Variants in MTMR8 observed in about 807,000 individuals in gnomAD.
The protein encoded by MTMR8 is myotubularin related protein 8, also known as phosphatidylinositol-3,5-bisphosphate 3-phosphatase MTMR8.
Under a neutral mutation model 39.3 loss-of-function variants are expected in MTMR8, and 65 were observed. The ratio of observed to expected loss-of-function variants is 1.65; its 90% CI spans 1.35 to 2.03. The LOEUF is 2.03. MTMR8 is among the 30% of genes most tolerant of loss of function. The pLI, the probability that MTMR8 is intolerant of heterozygous loss-of-function variation, is 0.00. For synonymous variants in MTMR8, 245 were observed against 185.2 expected, an observed-to-expected ratio of 1.32 and a Z score of -2.62; for missense variants, 777 against 538.9, an observed-to-expected ratio of 1.44 and a Z score of -4.37.
At chrX:64,278,776 T>C (rs1196551070) in intron 12 of MTMR8, among the ~76,000 whole-genome samples, 1 of 111,362 alleles carries the variant, frequency 9.0e-6, no homozygotes, top group African/African-American at 3.3e-5. Flanking sequence ...CCAGCCAATG[T>C]TGATGCTACT....
chrX:64,324,814 CAAAAAAAAAAAAA>C (rs758476355), intron 12 of MTMR8, among the ~76,000 whole-genome samples: 1 of 28,750 alleles, frequency 3.5e-5, no homozygotes, highest in African/African-American at 2.9e-4. Flanking sequence ...TGTTGCTCAC[CAAAAAAAAAAAAA>C]AAAAAAAAAA....
chrX:64,273,359 AGAGT>A (rs1186973587), intron 12 of MTMR8, among the ~76,000 whole-genome samples: 1 of 110,689 alleles, frequency 9.0e-6, no homozygotes, highest in Non-Finnish European at 1.9e-5. Flanking sequence ...TGCTTAAGAC[AGAGT>A]GTTAGACTGT....
intron 1 of MTMR8, among the ~76,000 whole-genome samples, chrX:64,364,859 C>A (rs937976927): frequency 3.6e-5 from 4 of 111,095 alleles, no homozygotes; most frequent in African/African-American, 1.3e-4. Context: ...AGCTAAAAAC[C>A]TTGAAAAAAG....
chrX:64,366,323 G>C (rs185035643), intron 1 of MTMR8, among the ~76,000 whole-genome samples: 1 of 111,391 alleles, frequency 9.0e-6, no homozygotes, highest in Non-Finnish European at 1.9e-5. Context: ...GCACTACATC[G>C]CACTTATTCC....
chrX:64,349,513 G>A (rs1218235581), intron 5 of MTMR8, among the ~76,000 whole-genome samples: 1 of 110,594 alleles, frequency 9.0e-6, no homozygotes, highest in Non-Finnish European at 1.9e-5. Flanking sequence ...ATAAGTAAGG[G>A]GATTGAAACA....
intron 1 of MTMR8, among the ~76,000 whole-genome samples, chrX:64,382,016 A>G (rs1447895269): frequency 2.7e-5 from 3 of 111,258 alleles, no homozygotes; most frequent in African/African-American, 6.6e-5. Context: ...GCCTTGTAGT[A>G]TAGTTTGAAG....
chrX:64,327,185 G>T, intron 12 of MTMR8, among the ~76,000 whole-genome samples: 1 of 111,558 alleles, frequency 9.0e-6, no homozygotes, highest in African/African-American at 3.2e-5. Context: ...AGACAAATGA[G>T]ATTACATCAA....
At chrX:64,333,020 C>A (rs1922982886) in intron 10 of MTMR8, among the ~76,000 whole-genome samples, 1 of 111,421 alleles carries the variant, frequency 9.0e-6, no homozygotes, top group African/African-American at 3.3e-5. Flanking sequence ...ATTAACTACT[C>A]TCTCCCCATT....
chrX:64,295,274 T>C (rs1466464644), intron 12 of MTMR8, among the ~76,000 whole-genome samples: 1 of 111,202 alleles, frequency 9.0e-6, no homozygotes, highest in Non-Finnish European at 1.9e-5. Context: ...AATTGTTTCC[T>C]AGATTCTCTT....
At chrX:64,384,138 A>G (rs1206632220) in intron 1 of MTMR8, among the ~76,000 whole-genome samples, 1 of 112,100 alleles carries the variant, frequency 8.9e-6, no homozygotes, top group Non-Finnish European at 1.9e-5. Context: ...GCAGTCATTA[A>G]AACTTAAAAC....
chrX:64,380,742 C>T (rs1027197556), intron 1 of MTMR8, among the ~76,000 whole-genome samples: 7 of 111,513 alleles, frequency 6.3e-5, no homozygotes, highest in South Asian at 3.8e-4. Context: ...TATCCCTCCC[C>T]CCTCCTTCCA....
At chrX:64,339,434 A>G (rs1175583083) in intron 8 of MTMR8, among the ~76,000 whole-genome samples, 1 of 111,765 alleles carries the variant, frequency 8.9e-6, no homozygotes, top group East Asian at 2.8e-4. Flanking sequence ...TGACAAGTCA[A>G]AGGTCATAAG....
chrX:64,379,632 C>A (rs988221460), intron 1 of MTMR8, among the ~76,000 whole-genome samples: 6 of 111,279 alleles, frequency 5.4e-5, no homozygotes, highest in Non-Finnish European at 1.1e-4. Flanking sequence ...GTCCAAATTT[C>A]TCCTTATAAC....
chrX:64,326,090 T>A (rs181268116), intron 12 of MTMR8, among the ~76,000 whole-genome samples: 2 of 111,711 alleles, frequency 1.8e-5, no homozygotes, highest in Admixed American at 9.5e-5. Context: ...AAAGAAAAAA[T>A]TATTATTAAG....
chrX:64,306,194 TATG>T (rs1922113128), intron 12 of MTMR8: 1 of 319,681 alleles, frequency 3.1e-6, no homozygotes, highest in Non-Finnish European at 6.2e-6. Context: ...GACCATCACT[TATG>T]ATAGTTCTCA....
intron 12 of MTMR8, among the ~76,000 whole-genome samples, chrX:64,285,124 G>A (rs751542624): frequency 1.8e-5 from 2 of 111,399 alleles, no homozygotes; most frequent in African/African-American, 3.3e-5. Flanking sequence ...AGGGATGGAG[G>A]AAGATCTACC....
chrX:64,301,250 A>G (rs1380049322), intron 12 of MTMR8, among the ~76,000 whole-genome samples: 3 of 107,347 alleles, frequency 2.8e-5, no homozygotes, highest in East Asian at 2.9e-4. Flanking sequence ...ACATAGTCCC[A>G]TATTTCTTGG....
At chrX:64,355,294 G>T (rs1180863408) in intron 3 of MTMR8, among the ~76,000 whole-genome samples, 3 of 111,906 alleles carry the variant, frequency 2.7e-5, no homozygotes, top group African/African-American at 9.7e-5. Context: ...TGTCCTAATA[G>T]TACTGCTTAT....
At chrX:64,371,149 C>T (rs1430664568) in intron 1 of MTMR8, among the ~76,000 whole-genome samples, 2 of 111,871 alleles carry the variant, frequency 1.8e-5, no homozygotes, top group Non-Finnish European at 3.8e-5. Context: ...AAGTCCCTAG[C>T]TCAATCAATT....
Sources: allele counts gnomAD v4.1 joint callset (sites outside exome capture counted in the v4.1 genomes callset), GRCh38; gene constraint gnomAD v4.1.1; transcripts MANE v1.5; gene names NCBI Gene and HGNC (gene_info 2026-07-23, HGNC 2026-07-21).